Variants in RPA1 observed in about 807,000 individuals in gnomAD.
RPA1 encodes replication protein A1.
A neutral mutation model predicts 83.0 loss-of-function variants in RPA1; 49 were observed. The ratio of observed to expected loss-of-function variants is 0.59; its 90% confidence interval spans 0.47 to 0.75. The LOEUF is 0.75. RPA1 is among the 30% of genes least tolerant of loss of function. The pLI is 0.00. For synonymous variants in RPA1, 279 were observed against 281.8 expected (o/e 0.99, Z 0.10); for missense variants, 693 against 776.1 (o/e 0.89, Z 1.27).
chr17:1,888,212 C>T lies in RPA1; in HGVS notation c.1375-463C>T, dbSNP rs1340102431. The stretch of plus-strand genomic sequence containing the variant: ...TAAACAAGGAAAAGGTGAATCTAGG[C>T]CTAGACACGACTGCCGTGTTTTGAG... On this transcript the variant is annotated intron_variant, in intron 13 of 16. Transcript: ENST00000254719. 3.3e-5 allele frequency among the ~76,000 whole-genome samples: 5 copies of T among 152,240 alleles called. No homozygotes were observed. In the South Asian group the frequency reaches 1.0e-3, roughly 32 times the overall value.
In RPA1 at chr17:1,895,689, A is replaced by ATTTG. The variant is rs1478684676; in HGVS notation, c.1746+597_1746+598insGTTT. Among the ~76,000 whole-genome samples the ATTTG allele has an allele frequency of 4.7e-5, 7 of 149,720 alleles. No individual in the cohort carries two copies. In the East Asian group the frequency reaches 1.4e-3, roughly 29 times the overall value. On this transcript the variant is annotated intron_variant, in intron 16 of 16. Coordinates refer to ENST00000254719, the MANE Select transcript of RPA1 (RefSeq NM_002945.5). The stretch of plus-strand genomic sequence containing the variant: ...TATTTATTTATTTATTTATTTATTT[A>ATTTG]TTTATTTATTTATTTGAGACAGAGT...
intron 13 of RPA1, among the ~76,000 whole-genome samples, chr17:1,885,078 CAGG>C (rs1243547664): frequency 1.5e-4 from 23 of 152,188 alleles, no homozygotes; most frequent in Admixed American, 1.5e-3. Flanking sequence ...ATTTTACCCA[CAGG>C]AGAACTTTTT....
intron 6 of RPA1, among the ~76,000 whole-genome samples, chr17:1,875,193 T>C (rs1057118425): frequency 6.6e-6 from 1 of 152,140 alleles, no homozygotes; most frequent in African/African-American, 2.4e-5. Flanking sequence ...GATCTGGGAG[T>C]TGTCTGGGGA....
chr17:1,841,050 G>A (rs1232996620), intron 1 of RPA1, among the ~76,000 whole-genome samples: 1 of 152,090 alleles, frequency 6.6e-6, no homozygotes. Context: ...ACGACAGAGC[G>A]AAACTCCGTC....
At chr17:1,881,295 G>A (rs546384704) in intron 12 of RPA1, among the ~76,000 whole-genome samples, 8 of 152,268 alleles carry the variant, frequency 5.3e-5, no homozygotes, top group African/African-American at 1.9e-4. Context: ...GATGTGGTCA[G>A]GGAAAACACT....
intron 15 of RPA1, among the ~76,000 whole-genome samples, chr17:1,892,958 G>A (rs1914257435): frequency 6.6e-6 from 1 of 152,198 alleles, no homozygotes; most frequent in Admixed American, 6.6e-5. Flanking sequence ...TCTGTAGATG[G>A]CTTTTCCCCC....
At chr17:1,878,254 A>G (rs1052895467) in intron 8 of RPA1, among the ~76,000 whole-genome samples, 1 of 152,134 alleles carries the variant, frequency 6.6e-6, no homozygotes, top group African/African-American at 2.4e-5. Context: ...AATAATTCCT[A>G]AAATGTACTT....
At chr17:1,850,973 A>G (rs1176492579) in intron 4 of RPA1, among the ~76,000 whole-genome samples, 2 of 152,140 alleles carry the variant, frequency 1.3e-5, no homozygotes, top group Admixed American at 1.3e-4. Flanking sequence ...AAAACTTTAA[A>G]CATCTACAAA....
In RPA1 at chr17:1,875,700, T is replaced by A; in HGVS notation, c.494T>A (p.Phe165Tyr). The A allele has an allele frequency of 6.2e-7, 1 of 1,614,140 alleles. No individual in the cohort carries two copies. Among genetic ancestry groups the A allele is most frequent in the Non-Finnish European group, 8.5e-7 (1 of 1,180,008 alleles). The change falls in exon 7 of 17, where the codon TTT (phenylalanine) becomes TAT (tyrosine). Residue 165 changes from phenylalanine to tyrosine, a missense_variant. Transcript: ENST00000254719. ...AAGGCTTATGGTGCTTCAAAGACAT[T>A]TGGAAAAGCTGCAGGTCCCAGCCTG... ...VSKAYGASKT[F>Y]GKAAGPSLSH... is the part of the protein sequence containing the mutation.
intron 12 of RPA1, among the ~76,000 whole-genome samples, chr17:1,881,851 T>C (rs1913811779): frequency 6.6e-6 from 1 of 152,206 alleles, no homozygotes; most frequent in African/African-American, 2.4e-5. Context: ...AGATCTTGGC[T>C]ATAACAATGC....
At chr17:1,864,334 T>G (rs1197462485) in intron 5 of RPA1, among the ~76,000 whole-genome samples, 1 of 151,826 alleles carries the variant, frequency 6.6e-6, no homozygotes, top group Non-Finnish European at 1.5e-5. Context: ...GTCAGGAGTT[T>G]GAGACCAGCC....
intron 4 of RPA1, among the ~76,000 whole-genome samples, chr17:1,849,356 G>A (rs1239155774): frequency 1.4e-5 from 2 of 142,808 alleles, no homozygotes; most frequent in African/African-American, 2.6e-5. Context: ...GCAGTGGTGC[G>A]ATCTCGGCTC....
At chr17:1,832,572 A>C (rs1466525794) in intron 1 of RPA1, among the ~76,000 whole-genome samples, 1 of 151,246 alleles carries the variant, frequency 6.6e-6, no homozygotes, top group African/African-American at 2.4e-5. Flanking sequence ...TTTTTAGTAG[A>C]GATGGGGTTT....
chr17:1,830,243 A>AGGGGGGGGG, intron 1 of RPA1, 117 bp downstream of exon 1: 1 of 253,142 alleles, frequency 4.0e-6, no homozygotes, highest in East Asian at 1.1e-4. Flanking sequence ...AGGGGAGGAG[A>AGGGGGGGGG]TGGCGGGGGG....
chr17:1,866,135 G>A (rs2049990470), intron 5 of RPA1, among the ~76,000 whole-genome samples: 1 of 152,010 alleles, frequency 6.6e-6, no homozygotes, highest in Admixed American at 6.6e-5. Flanking sequence ...CTAGCCACCC[G>A]GGAGGCTGAG....
At chr17:1,872,708 C>CTTTTTTTTTTTTTTTTTTTTTTTTTTTT (rs34892322) in intron 6 of RPA1, among the ~76,000 whole-genome samples, 182 bp downstream of exon 6, 1 of 113,054 alleles carries the variant, frequency 8.8e-6, no homozygotes, top group African/African-American at 3.3e-5. Flanking sequence ...TAAAGATTGT[C>CTTTTTTTTTTTTTTTTTTTTTTTTTTTT]TTTTTTTTTT....
At chr17:1,866,441 A>G (rs964752114) in intron 5 of RPA1, among the ~76,000 whole-genome samples, 2 of 151,764 alleles carry the variant, frequency 1.3e-5, no homozygotes, top group Non-Finnish European at 2.9e-5. Context: ...CAGCTTGCCT[A>G]GTAGCTGGGA....
rs1173510981 is a variant in RPA1 at position 1,898,245 on chromosome 17, T to C, written c.*1070T>C. Reference sequence around the variant, plus strand: ...GCCCTGAAATGCATCTTTCAAAGCATGAAAACACTAAAAACAAAAAGCCAT... The same window carrying C: ...GCCCTGAAATGCATCTTTCAAAGCACGAAAACACTAAAAACAAAAAGCCAT... On this transcript the variant is annotated 3_prime_UTR_variant, in exon 17 of 17. Coordinates refer to ENST00000254719, the MANE Select transcript of RPA1 (RefSeq NM_002945.5). 2 of 152,218 alleles carry C rather than the reference T, an allele frequency of 1.3e-5. No individual in the cohort carries two copies. The highest frequency in any genetic ancestry group is 2.9e-5 in the Non-Finnish European group (2 of 68,040). The allele number at this position is 152,218 out of a possible 1,614,324, so 9.4% of individuals were successfully genotyped here. A position where few individuals can be genotyped will look rare whatever the true frequency, so the allele number is the denominator to read the frequency against.
At chr17:1,833,084 A>C (rs1046234839) in intron 1 of RPA1, among the ~76,000 whole-genome samples, 46 of 151,534 alleles carry the variant, frequency 3.0e-4, no homozygotes, top group Non-Finnish European at 6.6e-4. Context: ...CCACCACCAC[A>C]CCCTGCTAAT....
Sources: allele counts gnomAD v4.1 joint callset (sites outside exome capture counted in the v4.1 genomes callset), GRCh38; gene constraint gnomAD v4.1.1; transcripts MANE v1.5; gene names NCBI Gene and HGNC (gene_info 2026-07-23, HGNC 2026-07-21).